Variants in CSMD1 observed in about 807,000 individuals in gnomAD.
CSMD1 encodes the protein CUB and Sushi multiple domains 1, also known as CUB and sushi domain-containing protein 1.
CSMD1 carries 213 observed loss-of-function variants against 417.5 expected under a neutral mutation model. The ratio of observed to expected loss-of-function variants is 0.51; its 90% CI spans 0.46 to 0.57. CSMD1 has a LOEUF of 0.57. Ranked by LOEUF, CSMD1 falls within the 20% of genes least tolerant of loss-of-function variation. The pLI is 0.00. For missense variants in CSMD1, 6,923 were observed against 4,529.7 expected (o/e 1.53, Z -15.17); for synonymous variants, 2,862 against 1,736.8 (o/e 1.65, Z -16.11).
chr8:4,794,188 A>G (rs963682301), intron 1 of CSMD1, among the ~76,000 whole-genome samples: 1 of 152,010 alleles, frequency 6.6e-6, no homozygotes, highest in Admixed American at 6.6e-5. Flanking sequence ...TAAATATATT[A>G]TTTTACATTT....
intron 6 of CSMD1, among the ~76,000 whole-genome samples, chr8:3,739,813 T>C (rs1293106053): frequency 1.3e-5 from 2 of 152,116 alleles, no homozygotes; most frequent in African/African-American, 2.4e-5. Flanking sequence ...TCAATTTTGT[T>C]AGTAACAAAG....
At chr8:4,372,495 A>AAC (rs1340918790) in intron 3 of CSMD1, among the ~76,000 whole-genome samples, 5 of 152,014 alleles carry the variant, frequency 3.3e-5, no homozygotes, top group African/African-American at 1.2e-4. Context: ...CAACAACAAC[A>AAC]AAAAACAGAA....
At chr8:4,211,264 A>T (rs1433697337) in intron 3 of CSMD1, among the ~76,000 whole-genome samples, 1 of 152,134 alleles carries the variant, frequency 6.6e-6, no homozygotes, top group African/African-American at 2.4e-5. Flanking sequence ...AAACTGAAAG[A>T]AATCCAAAGA....
At chr8:4,966,541 C>A (rs990434730) in intron 1 of CSMD1, among the ~76,000 whole-genome samples, 1 of 152,164 alleles carries the variant, frequency 6.6e-6, no homozygotes, top group Non-Finnish European at 1.5e-5. Flanking sequence ...TGTCACTGTC[C>A]ATCTGAGAGT....
chr8:3,653,352 G>A (rs918363426), intron 7 of CSMD1, among the ~76,000 whole-genome samples: 3 of 151,948 alleles, frequency 2.0e-5, no homozygotes, highest in Non-Finnish European at 4.4e-5. Context: ...TTTGTTGTCC[G>A]GGCTGTACTG....
intron 41 of CSMD1, among the ~76,000 whole-genome samples, chr8:3,129,157 G>A (rs926475962): frequency 6.6e-6 from 1 of 152,180 alleles, no homozygotes; most frequent in African/African-American, 2.4e-5. Context: ...TCTCTCCTAC[G>A]TGGGAATGCA....
At chr8:3,250,210 C>T (rs1272125283) in intron 26 of CSMD1, among the ~76,000 whole-genome samples, 2 of 152,098 alleles carry the variant, frequency 1.3e-5, no homozygotes, top group Admixed American at 1.3e-4. Flanking sequence ...CCTCCCTGAT[C>T]CCCCCACCCC....
intron 1 of CSMD1, among the ~76,000 whole-genome samples, chr8:4,651,032 G>A (rs565026793): frequency 1.3e-5 from 2 of 152,230 alleles, no homozygotes; most frequent in African/African-American, 2.4e-5. Context: ...AATATTCACT[G>A]ATCAAAGCAG....
At chr8:4,546,497 A>G (rs906730679) in intron 2 of CSMD1, among the ~76,000 whole-genome samples, 1 of 152,198 alleles carries the variant, frequency 6.6e-6, no homozygotes, top group East Asian at 1.9e-4. Context: ...AGAACAAAAG[A>G]TAAACGGTGA....
intron 49 of CSMD1, among the ~76,000 whole-genome samples, chr8:3,060,743 A>G (rs1191938417): frequency 6.6e-6 from 1 of 152,186 alleles, no homozygotes; most frequent in Non-Finnish European, 1.5e-5. Flanking sequence ...TCAATATGAT[A>G]GTATTAAGAG....
chr8:3,308,248 C>T, intron 24 of CSMD1, 64 bp downstream of exon 24: 5 of 1,276,624 alleles, frequency 3.9e-6, no homozygotes, highest in Non-Finnish European at 4.4e-6. Context: ...GAAGTCAATG[C>T]AACATGGTGC....
chr8:3,836,213 G>A (rs1371557420), intron 5 of CSMD1, among the ~76,000 whole-genome samples: 8 of 151,738 alleles, frequency 5.3e-5, no homozygotes, highest in East Asian at 1.9e-4. Context: ...TCATGTCATC[G>A]GACATTCTTT....
intron 26 of CSMD1, among the ~76,000 whole-genome samples, chr8:3,282,444 A>G (rs893585132): frequency 6.6e-6 from 1 of 152,222 alleles, no homozygotes; most frequent in Non-Finnish European, 1.5e-5. Context: ...ATAATCTCAT[A>G]ACTTTCTCAA....
At chr8:3,397,538 G>A (rs551583003) in intron 16 of CSMD1, among the ~76,000 whole-genome samples, 16 of 152,190 alleles carry the variant, frequency 1.1e-4, no homozygotes, top group Admixed American at 2.0e-4. Flanking sequence ...ATCTGGACCA[G>A]AATAAGGCCA....
At chr8:4,882,454 G>T (rs922288003) in intron 1 of CSMD1, among the ~76,000 whole-genome samples, 1 of 151,100 alleles carries the variant, frequency 6.6e-6, no homozygotes, top group Non-Finnish European at 1.5e-5. Context: ...GAAGAGTATT[G>T]GGGGGCGAGT....
rs1464998262 is a variant in CSMD1 at position 3,409,437 on chromosome 8, T to G, written c.1730A>C (p.Lys577Thr). The change falls in exon 13 of 70, where the codon AAG becomes ACG. Residue 577 changes from lysine to threonine, a missense_variant. Lys to Thr is a moderately conservative substitution (Grantham distance 78). Coordinates refer to ENST00000635120, the MANE Select transcript of CSMD1 (RefSeq NM_033225.6). ...CQQNNQWSGN[K>T]PSCVFSCFFN... The stretch of plus-strand genomic sequence containing the variant: ...ATAATACTCACATACACAGCTGGGC[T>G]TGTTGCCAGACCACTGATTGTTCTG... The G allele has an allele frequency of 5.6e-6, 9 of 1,610,334 alleles. No homozygotes were observed. Among genetic ancestry groups the G allele is most frequent in the Non-Finnish European group, 7.6e-6 (9 of 1,178,426 alleles).
At chr8:3,314,663 C>G (rs1347705357) in intron 23 of CSMD1, among the ~76,000 whole-genome samples, 3 of 152,200 alleles carry the variant, frequency 2.0e-5, no homozygotes, top group South Asian at 2.1e-4. Flanking sequence ...TCAAAACAAG[C>G]TCCAAACATT....
At chr8:3,085,296 A>G (rs1814444776) in intron 49 of CSMD1, among the ~76,000 whole-genome samples, 1 of 152,248 alleles carries the variant, frequency 6.6e-6, no homozygotes, top group Non-Finnish European at 1.5e-5. Flanking sequence ...AAACAAAACC[A>G]TATTGACTCC....
intron 3 of CSMD1, among the ~76,000 whole-genome samples, chr8:4,312,881 A>G (rs551109264): frequency 1.2e-3 from 186 of 152,300 alleles, no homozygotes; most frequent in African/African-American, 4.0e-3. Flanking sequence ...ATTAAAAAAC[A>G]AAAAGCTTTC....
Sources: gnomAD v4.1 joint callset for allele counts (sites outside exome capture counted in the v4.1 genomes callset) on GRCh38, gnomAD v4.1.1 for gene constraint, MANE v1.5 for transcripts, NCBI Gene and HGNC (gene_info 2026-07-23, HGNC 2026-07-21) for gene names.